SRCIN1: variants seen among roughly 807,000 people sequenced by gnomAD.
SRCIN1 encodes SRC kinase signaling inhibitor 1, also known as P130Cas-associated protein.
A neutral mutation model predicts 116.2 loss-of-function variants in SRCIN1; 50 were observed. That is an observed-to-expected ratio of 0.43 (90% CI 0.34 to 0.54). The LOEUF is 0.54. Among genes scored for constraint, SRCIN1 ranks in the 20% least tolerant of loss-of-function variants. SRCIN1 has a pLI of 0.02. For synonymous variants in SRCIN1, 736 were observed against 750.0 expected (o/e 0.98, Z 0.30); for missense variants, 1,446 against 1,672.0 (o/e 0.86, Z 2.36).
At chr17:38,595,177 A>C (rs893565308) in intron 1 of SRCIN1, among the ~76,000 whole-genome samples, 3 of 152,130 alleles carry the variant, frequency 2.0e-5, no homozygotes, top group Admixed American at 6.5e-5. Flanking sequence ...CTCTGAGCCT[A>C]GCCCAGTGCC....
intron 7 of SRCIN1, among the ~76,000 whole-genome samples, chr17:38,561,108 T>G (rs1027469239): frequency 6.6e-6 from 1 of 152,238 alleles, no homozygotes. Context: ...CTCTCACTGC[T>G]GCAAACTCTT....
At chr17:38,535,765 A>C (rs1353768871) in intron 18 of SRCIN1, among the ~76,000 whole-genome samples, 1 of 152,140 alleles carries the variant, frequency 6.6e-6, no homozygotes, top group African/African-American at 2.4e-5. Flanking sequence ...TCCCATTTAA[A>C]GTTCTTTCCC....
At chr17:38,570,062 G>A (rs1329240904) in intron 2 of SRCIN1, among the ~76,000 whole-genome samples, 1 of 152,068 alleles carries the variant, frequency 6.6e-6, no homozygotes, top group Non-Finnish European at 1.5e-5. Context: ...ACAGCGCCCC[G>A]CAACACACAG....
upstream of SRCIN1, among the ~76,000 whole-genome samples, chr17:38,606,553 C>G (rs1201040543): frequency 1.3e-5 from 2 of 152,126 alleles, no homozygotes; most frequent in African/African-American, 4.8e-5. This position sits in a 1 kb window ranked among gnomAD's most constrained non-coding sequence, Gnocchi z 5.2. Flanking sequence ...CTCCGGGTTG[C>G]AGCCCCTCCT....
At chr17:38,594,407 G>A (rs962008395) in intron 1 of SRCIN1, among the ~76,000 whole-genome samples, 3 of 152,180 alleles carry the variant, frequency 2.0e-5, no homozygotes, top group Admixed American at 6.5e-5. Flanking sequence ...AAGGAGAGCT[G>A]CCTCCCCCAG....
At position 38,572,316 on chromosome 17, in the gene SRCIN1, G is replaced by A. The variant is rs1179063040; in HGVS notation, c.325-4085C>T. ...ATGCATGACCCTCTCTTCCAGATGT[G>A]TGGATGACACCCTCATCTCCTTCCC... On this transcript the variant is annotated intron_variant, in intron 2 of 18. Transcript: ENST00000617146. This position sits in a 1 kb window ranked among gnomAD's most constrained non-coding sequence, Gnocchi z 4.3. 1.4e-5 allele frequency among the ~76,000 whole-genome samples: 2 copies of A among 141,938 alleles called. No homozygotes were observed. Among genetic ancestry groups the A allele is most frequent in the African/African-American group, 5.1e-5 (2 of 39,212 alleles). The allele number at this position is 141,938 out of a possible 152,430, so 93.1% of individuals were successfully genotyped here.
At chr17:38,535,176 C>T (rs184685938) in intron 18 of SRCIN1, among the ~76,000 whole-genome samples, 45 of 149,762 alleles carry the variant, frequency 3.0e-4, no homozygotes, top group African/African-American at 1.1e-3. Context: ...TAAGTTAAAG[C>T]GAAAATTCCC....
At chr17:38,555,676 C>T (rs1367926716) in intron 11 of SRCIN1, among the ~76,000 whole-genome samples, 7 of 152,326 alleles carry the variant, frequency 4.6e-5, no homozygotes, top group African/African-American at 1.2e-4. Flanking sequence ...GATCTACTCA[C>T]ATCTGACATC....
intron 17 of SRCIN1, 58 bp downstream of exon 17, chr17:38,548,499 G>A: frequency 6.3e-7 from 1 of 1,595,394 alleles, no homozygotes; most frequent in Non-Finnish European, 8.5e-7. Flanking sequence ...CTGGGGGGCA[G>A]CCTGGGAGGG....
chr17:38,600,272 C>T (rs1188531305), intron 1 of SRCIN1, among the ~76,000 whole-genome samples: 3 of 152,118 alleles, frequency 2.0e-5, no homozygotes, highest in African/African-American at 7.2e-5. Context: ...TGCCCCAGGA[C>T]GGGGTAGATA....
At chr17:38,547,805 T>C in intron 17 of SRCIN1, 1 of 188,220 alleles carries the variant, frequency 5.3e-6, no homozygotes, top group Non-Finnish European at 1.1e-5. Flanking sequence ...CCCCAGGTCC[T>C]GGGGGGACAG....
chr17:38,575,105 G>A (rs144788896), intron 2 of SRCIN1: 400 of 398,034 alleles, frequency 1.0e-3, no homozygotes, highest in Non-Finnish European at 1.4e-3. Context: ...GGGGTCTAGC[G>A]ATGCTGGCAA....
Position 38,568,208 on chromosome 17 carries a change from G to C in SRCIN1, c.345+3C>G. On this transcript the variant is annotated splice_donor_region_variant and intron_variant, in intron 3 of 18. Coordinates refer to ENST00000617146, the MANE Select transcript of SRCIN1 (RefSeq NM_025248.3). This position sits in a 1 kb window ranked among gnomAD's most constrained non-coding sequence, Gnocchi z 4.5. ...CATGGGAGCAGAGGCATCACACACT[G>C]ACCTTGAAACTCCAGTAGTTTGGCT... 1 of 1,613,268 alleles carries C rather than the reference G, an allele frequency of 6.2e-7. No individual in the cohort carries two copies. The highest frequency in any genetic ancestry group is 1.1e-5 in the South Asian group (1 of 90,728).
chr17:38,582,212 C>T (rs574180086), intron 1 of SRCIN1, among the ~76,000 whole-genome samples: 15 of 152,222 alleles, frequency 9.9e-5, no homozygotes, highest in Non-Finnish European at 1.8e-4. Flanking sequence ...CTCATCCCCT[C>T]TCTTACCCCC....
At chr17:38,597,896 G>C (rs1223588726) in intron 1 of SRCIN1, among the ~76,000 whole-genome samples, 1 of 152,186 alleles carries the variant, frequency 6.6e-6, no homozygotes, top group East Asian at 1.9e-4. Flanking sequence ...AGTGGACCAG[G>C]AGGGGGTGAG....
intron 1 of SRCIN1, among the ~76,000 whole-genome samples, chr17:38,598,463 C>T (rs1412189130): frequency 6.6e-6 from 1 of 152,140 alleles, no homozygotes; most frequent in Non-Finnish European, 1.5e-5. Flanking sequence ...CAGCTCTGCA[C>T]AAGCAGAAAC....
chr17:38,560,278 C>T, intron 8 of SRCIN1, 55 bp downstream of exon 8: 1 of 1,539,904 alleles, frequency 6.5e-7, no homozygotes, highest in Non-Finnish European at 8.8e-7. Flanking sequence ...CCCATTTCCC[C>T]TTCCTCCTGC....
In SRCIN1 at chr17:38,564,145, C is replaced by T. The variant is rs753188656; in HGVS notation, c.514G>A (p.Ala172Thr). 1.2e-6 allele frequency: 2 copies of T among 1,600,008 alleles called. No homozygotes were observed. Among genetic ancestry groups the T allele is most frequent in the Admixed American group, 1.7e-5 (1 of 58,228 alleles). ...GGGGAGCGCAGCTTGGTCTGGCTGGCCGAGCGGGAGAGAGGCAGGCTCTGT... is the reference window on the plus strand; with the variant it reads ...GGGGAGCGCAGCTTGGTCTGGCTGGTCGAGCGGGAGAGAGGCAGGCTCTGT... ...FRQSLPLSRS[A>T]SQTKLRSPGV... The change falls in exon 4 of 19, where the codon GCC becomes ACC. Residue 172 changes from alanine (A) to threonine (T), a missense_variant. Transcript: ENST00000617146.
At position 38,561,767 on chromosome 17, in the gene SRCIN1, AGCCGTC is replaced by A. The variant is rs1284775023; in HGVS notation, c.1390_1395del (p.Asp464_Gly465del). ...GACGAAGGCGGCAGGCGGAAGCCGT[AGCCGTC>A]GCCGTACAGCGGGCCGCCGCCGCCC... On this transcript the variant is annotated inframe_deletion, in exon 7 of 19. Coordinates refer to ENST00000617146, the MANE Select transcript of SRCIN1 (RefSeq NM_025248.3). 1.3e-6 allele frequency: 2 copies of A among 1,508,504 alleles called. No individual in the cohort carries two copies. The highest frequency in any genetic ancestry group is 2.9e-5 in the African/African-American group (2 of 70,100). The allele number at this position is 1,508,504 out of a possible 1,614,324, so 93.4% of individuals were successfully genotyped here. A position where few individuals can be genotyped will look rare whatever the true frequency, so the allele number is the denominator to read the frequency against.
Sources: gnomAD v4.1 joint callset for allele counts (sites outside exome capture counted in the v4.1 genomes callset) on GRCh38, gnomAD v4.1.1 for gene constraint, Gnocchi (gnomAD v3.1) non-coding constraint, MANE v1.5 for transcripts, NCBI Gene and HGNC (gene_info 2026-07-23, HGNC 2026-07-21) for gene names.